C1S: variants seen among roughly 807,000 people sequenced by gnomAD.
The protein encoded by C1S is complement C1s subcomponent.
C1S carries 31 observed loss-of-function variants against 54.0 expected under a neutral mutation model. The observed-to-expected ratio is 0.57, with a 90% CI of 0.43 to 0.78. The LOEUF (loss-of-function observed/expected upper bound fraction) is 0.78. C1S is among the 30% of genes least tolerant of loss of function. The probability of loss-of-function intolerance (pLI) is 0.00; values close to 1 mark genes in which losing one functional copy is unlikely to be tolerated. For synonymous variants in C1S, 292 were observed against 303.6 expected (o/e 0.96, Z 0.40); for missense variants, 727 against 851.8 (o/e 0.85, Z 1.82).
At chr12:7,064,780 A>T (rs16933084) in intron 5 of C1S, among the ~76,000 whole-genome samples, 18,652 of 152,146 alleles carry the variant, frequency 0.12, 1,163 homozygotes, top group Non-Finnish European at 0.14. Flanking sequence ...ATGAAGCCAC[A>T]AGAAGGAGGA....
At chr12:7,066,119 A>G in intron 7 of C1S, 149 bp downstream of exon 7, 1 of 749,836 alleles carries the variant, frequency 1.3e-6, no homozygotes, top group South Asian at 1.5e-5. Context: ...CCTTGAGCCC[A>G]GGAAGTAGGA....
At chr12:7,063,691 A>G (rs1189069022) in intron 4 of C1S, among the ~76,000 whole-genome samples, 3 of 152,202 alleles carry the variant, frequency 2.0e-5, no homozygotes, top group Non-Finnish European at 2.9e-5. Flanking sequence ...CTGGAGCTGA[A>G]ATGCTCTGTA....
chr12:7,061,686 G>A, intron 1 of C1S, 153 bp from the exon 2 acceptor site: 1 of 647,708 alleles, frequency 1.5e-6, no homozygotes, highest in Non-Finnish European at 2.8e-6. Context: ...AACTAGGGAG[G>A]GTGTGAGGGG....
intron 2 of C1S, chr12:7,062,122 T>A (rs893804893): frequency 1.1e-4 from 62 of 560,154 alleles, no homozygotes; most frequent in East Asian, 1.6e-4. Flanking sequence ...AAAAAAAAAA[T>A]TAGCCCAGCG....
At chr12:7,064,536 A>G (rs1197231399) in intron 5 of C1S, 144 bp downstream of exon 5, 3 of 746,602 alleles carry the variant, frequency 4.0e-6, no homozygotes, top group South Asian at 2.2e-5. Flanking sequence ...TTATTTATTT[A>G]TGTATTATTT....
Position 7,070,574 on chromosome 12 carries a change from C to T in C1S, c.1990C>T (p.Leu664Phe). 1 of 1,613,342 alleles carries T rather than the reference C, an allele frequency of 6.2e-7. No individual in the cohort carries two copies. Among genetic ancestry groups the T allele is most frequent in the South Asian group, 1.1e-5 (1 of 91,022 alleles). ...GGGGCCCCAGTGTGGGACCTATGGG[C>T]TCTACACACGGGTAAAGAACTATGT... is the stretch of plus-strand genomic sequence containing the variant. The part of the protein sequence containing the change: ...SWGPQCGTYG[L>F]YTRVKNYVDW... Residue 664 changes from leucine to phenylalanine, a missense_variant, in exon 12 of 12, where the codon CTC becomes TTC. Leu to Phe is a conservative substitution (Grantham distance 22, BLOSUM62 0). Transcript: ENST00000360817. The surrounding 1 kb of genome is among the most constrained non-coding windows in gnomAD (Gnocchi z 4.9).
At chr12:7,068,875 T>A in intron 11 of C1S, 1 of 309,806 alleles carries the variant, frequency 3.2e-6, no homozygotes, top group Non-Finnish European at 6.2e-6. Flanking sequence ...CTAAATAGCC[T>A]AGTTATTATA....
intron 9 of C1S, 127 bp downstream of exon 9, chr12:7,067,244 G>C (rs1591579665): frequency 2.7e-6 from 2 of 753,578 alleles, no homozygotes; most frequent in Non-Finnish European, 4.7e-6. Context: ...TTTTTGAAGG[G>C]AAGCCAGTCA....
At chr12:7,067,349 T>C (rs782448511) in intron 9 of C1S, 7 of 626,850 alleles carry the variant, frequency 1.1e-5, no homozygotes, top group Non-Finnish European at 2.0e-5. Flanking sequence ...TAGGTCGAGT[T>C]AGTAGCCCCA....
intron 9 of C1S, 102 bp downstream of exon 9, chr12:7,067,219 A>AG: frequency 1.1e-6 from 1 of 895,030 alleles, no homozygotes; most frequent in South Asian, 1.4e-5. Flanking sequence ...TAGGCATGTG[A>AG]GGGAGTGGGT....
intron 4 of C1S, chr12:7,063,437 T>C (rs1555161608): frequency 2.2e-6 from 1 of 444,752 alleles, no homozygotes; most frequent in African/African-American, 2.0e-5. Context: ...GGAAAGTTAA[T>C]AACTTGCCAA....
Position 7,061,892 on chromosome 12 carries a change from A to G in C1S, c.-21A>G, listed in dbSNP as rs1565618833. The stretch of plus-strand genomic sequence containing the variant: ...AGGACCAAGAGACAGGCAGCTCACC[A>G]GGGTGGACAAATCGCCAGAGATGTG... On this transcript the variant is annotated 5_prime_UTR_variant, in exon 2 of 12. Coordinates refer to ENST00000360817, the MANE Select transcript of C1S (RefSeq NM_001734.5). 5 of 1,613,974 alleles carry G rather than the reference A, an allele frequency of 3.1e-6. No individual in the cohort carries two copies. The highest frequency in any genetic ancestry group is 4.2e-6 in the Non-Finnish European group (5 of 1,179,906).
At chr12:7,067,874 G>A (rs1386816519) in intron 10 of C1S, 103 bp downstream of exon 10, 94 of 1,217,346 alleles carry the variant, frequency 7.7e-5, no homozygotes, top group Non-Finnish European at 1.1e-4. Context: ...AAATGAAGGC[G>A]ATAGGACAGA....
At position 7,062,478 on chromosome 12, in the gene C1S, C is replaced by G. The variant is rs373174355; in HGVS notation, c.9C>G (p.Cys3Trp). The change falls in exon 3 of 12, where the codon TGC becomes TGG. Residue 3 changes from cysteine (C) to tryptophan (W), a missense_variant. By Grantham distance (215) the Cys-to-Trp change is radical. Transcript: ENST00000360817. ...ATCTATGCCTCTGTTTTTTCAGGTGCATTGTCCTGTTTTCACTTTTGGCAT... is the reference window on the plus strand; with the variant it reads ...ATCTATGCCTCTGTTTTTTCAGGTGGATTGTCCTGTTTTCACTTTTGGCAT... MW[C>W]IVLFSLLAWV... 1.2e-6 allele frequency: 2 copies of G among 1,612,250 alleles called. No individual in the cohort carries two copies. The highest frequency in any genetic ancestry group is 8.5e-7 in the Non-Finnish European group (1 of 1,179,640).
chr12:7,063,085 G>T lies in C1S; in HGVS notation c.391+18G>T, dbSNP rs1555161545. ...TGCCACAGGTAAGGCTCACCCTTCT[G>T]CATGTGCCTTATTGACCCAGCTAAA... is the stretch of plus-strand genomic sequence containing the variant. On this transcript the variant is annotated intron_variant, in intron 4 of 11. Coordinates refer to ENST00000360817, the MANE Select transcript of C1S (RefSeq NM_001734.5). The T allele has an allele frequency of 6.2e-7, 1 of 1,607,882 alleles. No homozygotes were observed.
intron 2 of C1S, chr12:7,062,202 T>C: frequency 1.8e-6 from 1 of 555,108 alleles, no homozygotes; most frequent in Non-Finnish European, 3.2e-6. Context: ...GCGCGGGAGG[T>C]CAAGGCTGCA....
chr12:7,068,709 C>T (rs1225698734), intron 11 of C1S, 179 bp downstream of exon 11: 22 of 604,256 alleles, frequency 3.6e-5, no homozygotes, highest in East Asian at 1.1e-4. Context: ...CCTCCTCAGC[C>T]GCACTGAAGC....
At position 7,066,595 on chromosome 12, in the gene C1S, G is replaced by A; in HGVS notation, c.949G>A (p.Val317Met). The change falls in exon 8 of 12, where the codon GTG becomes ATG. Residue 317 changes from valine to methionine, a missense_variant. Val to Met is a conservative substitution (Grantham distance 21). Coordinates refer to ENST00000360817, the MANE Select transcript of C1S (RefSeq NM_001734.5). ...AKAKYVFRDV[V>M]QITCLDGFEV... ...GGCAAAATATGTCTTTAGAGATGTGGTGCAGATAACCTGTCTGGATGGGTT... is the reference window on the plus strand; with the variant it reads ...GGCAAAATATGTCTTTAGAGATGTGATGCAGATAACCTGTCTGGATGGGTT... The A allele has an allele frequency of 6.2e-7, 1 of 1,613,886 alleles. No individual in the cohort carries two copies. Among genetic ancestry groups the A allele is most frequent in the Non-Finnish European group, 8.5e-7 (1 of 1,179,714 alleles).
intron 4 of C1S, chr12:7,063,327 T>C (rs1565620053): frequency 5.6e-6 from 3 of 539,188 alleles, no homozygotes; most frequent in South Asian, 1.6e-5. Flanking sequence ...TGGGTATGTA[T>C]TGGGGATTGG....
Sources: gnomAD v4.1 joint callset for allele counts (sites outside exome capture counted in the v4.1 genomes callset) on GRCh38, gnomAD v4.1.1 for gene constraint, Gnocchi (gnomAD v3.1) non-coding constraint, MANE v1.5 for transcripts, NCBI Gene and HGNC (gene_info 2026-07-23, HGNC 2026-07-21) for gene names.